PRPSAP1: variants seen among roughly 807,000 people sequenced by gnomAD.
PRPSAP1 encodes phosphoribosyl pyrophosphate synthase-associated protein 1.
In PRPSAP1, 31 loss-of-function variants were observed where a neutral mutation model predicts 39.4. That is an observed-to-expected ratio of 0.79 (90% CI 0.59 to 1.06). PRPSAP1 has a LOEUF of 1.06. Ranked by LOEUF, PRPSAP1 falls within the 50% of genes least tolerant of loss-of-function variation. The pLI, the probability that PRPSAP1 is intolerant of heterozygous loss-of-function variation, is 0.00. For synonymous variants in PRPSAP1, 212 were observed against 192.6 expected (o/e 1.10, Z -0.83); for missense variants, 430 against 511.6 (o/e 0.84, Z 1.54).
intron 3 of PRPSAP1, among the ~76,000 whole-genome samples, chr17:76,341,799 C>A (rs904742478): frequency 6.6e-6 from 1 of 152,002 alleles, no homozygotes; most frequent in Admixed American, 6.6e-5. Flanking sequence ...ATTAGCCGGG[C>A]GTGGTGGTGG....
intron 7 of PRPSAP1, among the ~76,000 whole-genome samples, chr17:76,314,932 G>A (rs898746581): frequency 3.3e-5 from 5 of 152,214 alleles, no homozygotes; most frequent in South Asian, 2.1e-4. Context: ...TGCAGAAAGC[G>A]AAACAGCGAA....
chr17:76,314,342 G>C, intron 7 of PRPSAP1: 1 of 197,470 alleles, frequency 5.1e-6, no homozygotes, highest in South Asian at 8.0e-5. Flanking sequence ...TCAGCCTCCC[G>C]AGTAGCTGGG....
In PRPSAP1 at chr17:76,353,860, T is replaced by A; in HGVS notation, c.-157A>T. On this transcript the variant is annotated 5_prime_UTR_variant, in exon 1 of 10. Transcript: ENST00000446526. Reference sequence around the variant, plus strand: ...CGTGCCCTTGCGCACCCCACACCACTGACTACAGCGGCCGAGCCTTCGCAG... The same window carrying A: ...CGTGCCCTTGCGCACCCCACACCACAGACTACAGCGGCCGAGCCTTCGCAG... The A allele has an allele frequency of 7.5e-7, 1 of 1,337,424 alleles. No individual in the cohort carries two copies. Among genetic ancestry groups the A allele is most frequent in the Non-Finnish European group, 9.5e-7 (1 of 1,049,972 alleles). The allele number at this position is 1,337,424 out of a possible 1,614,324, so 82.8% of individuals were successfully genotyped here. A position where few individuals can be genotyped will look rare whatever the true frequency, so the allele number is the denominator to read the frequency against.
In PRPSAP1 at chr17:76,324,995, G is replaced by C. The variant is rs368444656; in HGVS notation, c.781+3722C>G. On this transcript the variant is annotated intron_variant, in intron 7 of 9. Transcript: ENST00000446526. The stretch of plus-strand genomic sequence containing the variant: ...CGGCAGGAGAATGGTGTGAACCTGG[G>C]GGGTGGAGCTTGCAGTGAACTGGGT... Among the ~76,000 whole-genome samples, 82 of 151,692 alleles carry C rather than the reference G, an allele frequency of 5.4e-4. 1 individual carries two copies. The highest frequency in any genetic ancestry group is 1.3e-3 in the African/African-American group (55 of 41,304).
chr17:76,339,998 G>C (rs762408485), intron 3 of PRPSAP1, among the ~76,000 whole-genome samples: 4 of 151,494 alleles, frequency 2.6e-5, no homozygotes, highest in Non-Finnish European at 5.9e-5. Context: ...ATGCATGGTG[G>C]CATGTGCCTG....
intron 1 of PRPSAP1, among the ~76,000 whole-genome samples, chr17:76,351,407 C>G (rs776699990): frequency 6.6e-6 from 1 of 151,944 alleles, no homozygotes; most frequent in African/African-American, 2.4e-5. Flanking sequence ...CCCAGCTACT[C>G]GGAAGGCTGA....
chr17:76,318,717 G>A (rs2143461494), intron 7 of PRPSAP1, among the ~76,000 whole-genome samples: 1 of 152,276 alleles, frequency 6.6e-6, no homozygotes, highest in Middle Eastern at 3.4e-3. Flanking sequence ...AAAGCAATGT[G>A]ATGATAACTG....
rs757189894 is a variant in PRPSAP1 at position 76,312,924 on chromosome 17, G to A, written c.945C>T (p.His315=). 36 of 1,614,000 alleles carry A rather than the reference G, an allele frequency of 2.2e-5. No homozygotes were observed. The South Asian group carries it at 2.4e-4, about 11-fold the overall frequency. The change falls in exon 9 of 10, where the codon CAC becomes CAT. Residue 315 remains histidine (H), a synonymous_variant. Transcript: ENST00000446526. ...GAGGGGCCTCTGCAGACAGGATGCCGTGGGTGGCCATAACATAGATCTTAT... is the reference window on the plus strand; with the variant it reads ...GAGGGGCCTCTGCAGACAGGATGCCATGGGTGGCCATAACATAGATCTTAT... ...GAYKIYVMAT[H]GILSAEAPRL...
Position 76,312,999 on chromosome 17 carries a change from A to C in PRPSAP1, c.870T>G (p.Asp290Glu). 1.2e-6 allele frequency: 2 copies of C among 1,613,766 alleles called. No homozygotes were observed. Among genetic ancestry groups the C allele is most frequent in the Non-Finnish European group, 1.7e-6 (2 of 1,179,954 alleles). The change falls in exon 9 of 10, where the codon GAT becomes GAG. Residue 290 changes from aspartate (D) to glutamate (E), a missense_variant. Coordinates refer to ENST00000446526, the MANE Select transcript of PRPSAP1 (RefSeq NM_002766.3). ...CCGCGGCAGCAACAAAACTCTCCAC[A>C]TCGTCAATAATGTCATCCTGGGAGG... ...IAIIVDDIID[D>E]VESFVAAAEI...
intron 7 of PRPSAP1, among the ~76,000 whole-genome samples, chr17:76,316,174 T>TAAA (rs1377721818): frequency 1.1e-4 from 8 of 73,518 alleles, no homozygotes; most frequent in Admixed American, 1.8e-4. Context: ...AGACTCCGTC[T>TAAA]AAAAAAAAAA....
chr17:76,328,424 C>A (rs1458069213), intron 7 of PRPSAP1, among the ~76,000 whole-genome samples: 1 of 152,070 alleles, frequency 6.6e-6, no homozygotes, highest in Non-Finnish European at 1.5e-5. Flanking sequence ...GCCTGGCCAA[C>A]ATGGTGAAAC....
intron 2 of PRPSAP1, chr17:76,345,807 G>A (rs1403793968): frequency 2.9e-6 from 1 of 345,870 alleles, no homozygotes; most frequent in Admixed American, 3.7e-5. Context: ...CCCGCTCCCA[G>A]TGCCTACGTC....
intron 3 of PRPSAP1, among the ~76,000 whole-genome samples, chr17:76,335,302 T>C (rs1216916061): frequency 6.6e-6 from 1 of 151,472 alleles, no homozygotes; most frequent in African/African-American, 2.4e-5. Context: ...TTGGAGTCAG[T>C]TAATTTAGTA....
At chr17:76,328,888 A>C in intron 6 of PRPSAP1, 26 bp from the exon 7 acceptor site, 13 of 1,585,796 alleles carry the variant, frequency 8.2e-6, no homozygotes, top group East Asian at 2.2e-5. Context: ...GAAATGGTGA[A>C]ACTGACAGGA....
chr17:76,330,711 A>G, intron 4 of PRPSAP1, 45 bp from the exon 5 acceptor site: 1 of 1,294,330 alleles, frequency 7.7e-7, no homozygotes, highest in Non-Finnish European at 1.1e-6. Context: ...CCCTACAGGT[A>G]AATGGCTACA....
intron 3 of PRPSAP1, among the ~76,000 whole-genome samples, chr17:76,338,288 A>G (rs2071399848): frequency 6.6e-6 from 1 of 152,210 alleles, no homozygotes; most frequent in African/African-American, 2.4e-5. Flanking sequence ...GCTTATTTTA[A>G]TGTCTAAGCT....
intron 7 of PRPSAP1, among the ~76,000 whole-genome samples, chr17:76,319,952 C>T (rs180869288): frequency 2.0e-5 from 3 of 151,740 alleles, no homozygotes; most frequent in Admixed American, 6.6e-5. Flanking sequence ...TCTCTCTGGC[C>T]AAATATGAGA....
chr17:76,326,174 T>C (rs574412916), intron 7 of PRPSAP1, among the ~76,000 whole-genome samples: 2 of 152,240 alleles, frequency 1.3e-5, no homozygotes, highest in East Asian at 1.9e-4. Context: ...TCCATACTGA[T>C]ATAAATGAAG....
At chr17:76,327,876 T>A (rs2071270236) in intron 7 of PRPSAP1, among the ~76,000 whole-genome samples, 1 of 152,094 alleles carries the variant, frequency 6.6e-6, no homozygotes, top group Non-Finnish European at 1.5e-5. Context: ...AACTTCCTTT[T>A]ACAAAAGAGG....
Sources: gnomAD v4.1 joint callset for allele counts (sites outside exome capture counted in the v4.1 genomes callset) on GRCh38, gnomAD v4.1.1 for gene constraint, MANE v1.5 for transcripts, NCBI Gene and HGNC (gene_info 2026-07-23, HGNC 2026-07-21) for gene names.